Variants in CERT1 observed in about 807,000 individuals in gnomAD.
CERT1 encodes the protein ceramide transfer protein.
Under a neutral mutation model 87.9 loss-of-function variants are expected in CERT1, and 31 were observed. The observed-to-expected ratio is 0.35, with a 90% CI of 0.27 to 0.48. The LOEUF is 0.48. CERT1 is among the 20% of genes least tolerant of loss of function. CERT1 has a pLI of 0.99. For synonymous variants in CERT1, 289 were observed against 250.9 expected, an observed-to-expected ratio of 1.15 and a Z score of -1.44; for missense variants, 487 against 758.0, an observed-to-expected ratio of 0.64 and a Z score of 4.20.
intron 3 of CERT1, among the ~76,000 whole-genome samples, chr5:75,458,546 A>C (rs1289252887): frequency 1.3e-5 from 2 of 152,128 alleles, no homozygotes; most frequent in Non-Finnish European, 2.9e-5. Flanking sequence ...TTAACAATGA[A>C]AAATATTTAT....
chr5:75,383,050 A>G (rs538668292), intron 14 of CERT1, among the ~76,000 whole-genome samples: 28 of 152,242 alleles, frequency 1.8e-4, no homozygotes, highest in Non-Finnish European at 3.1e-4. Flanking sequence ...TGTAGTGTAA[A>G]TAACACTATA....
At chr5:75,477,647 T>TA (rs540588442) in intron 2 of CERT1, among the ~76,000 whole-genome samples, 31,785 of 89,440 alleles carry the variant, frequency 0.36, 5,110 homozygotes, top group Non-Finnish European at 0.37. Context: ...TAATAAGTTG[T>TA]AAAAAAAAAA....
At chr5:75,439,228 C>T (rs1225163490) in intron 3 of CERT1, among the ~76,000 whole-genome samples, 5 of 150,248 alleles carry the variant, frequency 3.3e-5, no homozygotes, top group Non-Finnish European at 4.5e-5. Context: ...AGCCAAAAAA[C>T]CTCTCTTAAA....
chr5:75,493,627 T>C (rs1766912984), intron 2 of CERT1, among the ~76,000 whole-genome samples: 1 of 152,228 alleles, frequency 6.6e-6, no homozygotes, highest in Non-Finnish European at 1.5e-5. Flanking sequence ...CTCAGCACAA[T>C]GTGTCTTTAA....
chr5:75,377,191 C>T (rs1580685294), downstream of CERT1: 1 of 152,192 alleles, frequency 6.6e-6, no homozygotes, highest in African/African-American at 2.4e-5. Context: ...TAAAACTACA[C>T]TGAGAGAGTA....
chr5:75,447,639 C>A (rs1764606854), intron 3 of CERT1, among the ~76,000 whole-genome samples: 1 of 151,038 alleles, frequency 6.6e-6, no homozygotes, highest in Non-Finnish European at 1.5e-5. Context: ...CCCAGCTAAT[C>A]TTTTTTTTGT....
At chr5:75,456,346 C>T (rs1264837308) in intron 3 of CERT1, among the ~76,000 whole-genome samples, 2 of 152,000 alleles carry the variant, frequency 1.3e-5, no homozygotes, top group African/African-American at 2.4e-5. Context: ...AATGATTTCT[C>T]CTAGTCTACA....
At chr5:75,469,061 G>A (rs1263944559) in intron 2 of CERT1, among the ~76,000 whole-genome samples, 3 of 151,698 alleles carry the variant, frequency 2.0e-5, no homozygotes, top group Non-Finnish European at 4.4e-5. Context: ...CAGAAACATT[G>A]AACAAAATGA....
rs370009148 is a variant in CERT1, at chr5:75,426,358, A to G, written c.456+13T>C. ...TTATGTTGTTTAACTTAAGGCATCC[A>G]TTAACTACACACCTTGAATGAAGAG... is the stretch of plus-strand genomic sequence containing the variant. On this transcript the variant is annotated intron_variant, in intron 4 of 16. Coordinates refer to ENST00000643780, the MANE Select transcript of CERT1 (RefSeq NM_001379029.1). 32 of 1,574,314 alleles carry G rather than the reference A, an allele frequency of 2.0e-5. No individual in the cohort carries two copies. The African/African-American group carries it at 4.2e-4, about 21-fold the overall frequency.
At chr5:75,406,731 G>A (rs1335942841) in intron 8 of CERT1, among the ~76,000 whole-genome samples, 2 of 152,030 alleles carry the variant, frequency 1.3e-5, no homozygotes, top group Non-Finnish European at 1.5e-5. Context: ...TTTTAGTAGA[G>A]AGGGCGTTTC....
At chr5:75,511,872 G>A (rs1307165310), upstream of CERT1, 7 of 1,514,290 alleles carry the variant, frequency 4.6e-6, no homozygotes, top group African/African-American at 6.9e-5. Context: ...TCCGTCGCTC[G>A]CGCAGCCTCC....
intron 3 of CERT1, among the ~76,000 whole-genome samples, chr5:75,432,042 A>G (rs575762301): frequency 6.6e-6 from 1 of 151,572 alleles, no homozygotes; most frequent in African/African-American, 2.4e-5. Flanking sequence ...AGCAGTGTAT[A>G]AACATTCCCC....
chr5:75,500,294 T>C (rs1767288691), intron 2 of CERT1, among the ~76,000 whole-genome samples: 1 of 152,196 alleles, frequency 6.6e-6, no homozygotes, highest in Admixed American at 6.5e-5. Context: ...GGTACTTTCT[T>C]ATGGCAACCC....
intron 7 of CERT1, among the ~76,000 whole-genome samples, chr5:75,413,673 A>ACC (rs2112137602): frequency 6.6e-6 from 1 of 152,148 alleles, no homozygotes; most frequent in South Asian, 2.1e-4. Flanking sequence ...ACCTATACAC[A>ACC]CACACACACA....
chr5:75,419,686 T>C (rs973199280), intron 5 of CERT1, among the ~76,000 whole-genome samples: 68 of 152,156 alleles, frequency 4.5e-4, no homozygotes, highest in African/African-American at 1.6e-3. Flanking sequence ...AAGGGTATGA[T>C]ACAATTATTT....
At chr5:75,430,847 A>G (rs908448357) in intron 3 of CERT1, among the ~76,000 whole-genome samples, 4 of 152,122 alleles carry the variant, frequency 2.6e-5, no homozygotes, top group African/African-American at 9.7e-5. Flanking sequence ...GACCAGCCTG[A>G]GCAATAAAGC....
rs761526368 is a variant in CERT1, at chr5:75,379,307, T to TA, written c.*38dup. On this transcript the variant is annotated 3_prime_UTR_variant, in exon 17 of 17. Coordinates refer to ENST00000643780, the MANE Select transcript of CERT1 (RefSeq NM_001379029.1). ...GACAGTCATATTAGTCAAATAAAGT[T>TA]AAAAAAAGATAAAACATATCTTCTA... The TA allele has an allele frequency of 3.2e-6, 5 of 1,545,456 alleles. No homozygotes were observed. The highest frequency in any genetic ancestry group is 2.4e-5 in the South Asian group (2 of 84,774).
chr5:75,475,922 T>C (rs1373358200), intron 2 of CERT1, among the ~76,000 whole-genome samples: 2 of 152,150 alleles, frequency 1.3e-5, no homozygotes, highest in East Asian at 1.9e-4. Flanking sequence ...GGACAGAATG[T>C]GATAATCCAC....
Position 75,377,999 on chromosome 5 carries a change from G to A in CERT1, c.*1347C>T, listed in dbSNP as rs1266207922. The A allele has an allele frequency of 6.6e-6, 1 of 152,214 alleles. No homozygotes were observed. The highest frequency in any genetic ancestry group is 1.5e-5 in the Non-Finnish European group (1 of 68,104). The allele number at this position is 152,214 out of a possible 1,614,324, so 9.4% of individuals were successfully genotyped here. A position where few individuals can be genotyped will look rare whatever the true frequency, so the allele number is the denominator to read the frequency against. ...TTGCTATGTTATCCAGGCTAGACTT[G>A]AACTCCTGGCCTCAAGCCATTCTCC... is the stretch of plus-strand genomic sequence containing the variant. On this transcript the variant is annotated 3_prime_UTR_variant, in exon 17 of 17. Transcript: ENST00000643780.
Sources: gnomAD v4.1 joint callset for allele counts (sites outside exome capture counted in the v4.1 genomes callset) on GRCh38, gnomAD v4.1.1 for gene constraint, MANE v1.5 for transcripts, NCBI Gene and HGNC (gene_info 2026-07-23, HGNC 2026-07-21) for gene names.